EPB41L3: variants seen among roughly 807,000 people sequenced by gnomAD.
The protein encoded by EPB41L3 is erythrocyte membrane protein band 4.1 like 3.
A neutral mutation model predicts 127.1 loss-of-function variants in EPB41L3; 57 were observed. The ratio of observed to expected loss-of-function variants is 0.45; its 90% CI spans 0.36 to 0.56. EPB41L3 has a LOEUF of 0.56. EPB41L3 is among the 20% of genes least tolerant of loss of function. The probability of loss-of-function intolerance (pLI) is 0.00; values close to 1 mark genes in which losing one functional copy is unlikely to be tolerated. For synonymous variants in EPB41L3, 572 were observed against 549.5 expected (o/e 1.04, Z -0.57); for missense variants, 1,273 against 1,372.2 (o/e 0.93, Z 1.14).
intron 1 of EPB41L3, among the ~76,000 whole-genome samples, chr18:5,622,558 C>G (rs1379105955): frequency 1.3e-5 from 2 of 152,164 alleles, no homozygotes; most frequent in African/African-American, 4.8e-5. Flanking sequence ...GTTTATTCTG[C>G]TCTTTAGGGT....
chr18:5,487,691 T>C (rs903816004), intron 2 of EPB41L3, among the ~76,000 whole-genome samples: 5 of 151,462 alleles, frequency 3.3e-5, no homozygotes, highest in African/African-American at 1.2e-4. Context: ...CTCAAACTCC[T>C]GACCTCAGGT....
At chr18:5,553,184 A>G (rs2093988626) in intron 3 of EPB41L3, among the ~76,000 whole-genome samples, 1 of 152,234 alleles carries the variant, frequency 6.6e-6, no homozygotes, top group East Asian at 1.9e-4. Flanking sequence ...AAAAGACTGT[A>G]AGGCAACCGC....
At chr18:5,561,046 C>A (rs963553123) in intron 3 of EPB41L3, among the ~76,000 whole-genome samples, 1 of 144,810 alleles carries the variant, frequency 6.9e-6, no homozygotes. Flanking sequence ...GGCGCGATCG[C>A]GGCTCACTGC....
Position 5,433,450 on chromosome 18 carries a change from G to A in EPB41L3, c.912+19C>T. On this transcript the variant is annotated intron_variant, in intron 8 of 22. Transcript: ENST00000341928. Reference sequence around the variant, plus strand: ...ACATAATATTAAATTGAAAGTTTAGGGTTTAAAAAGATGCATACCTTAGCA... The same window carrying A: ...ACATAATATTAAATTGAAAGTTTAGAGTTTAAAAAGATGCATACCTTAGCA... 6.4e-7 allele frequency: 1 copy of A among 1,561,598 alleles called. No individual in the cohort carries two copies. Among genetic ancestry groups the A allele is most frequent in the Non-Finnish European group, 8.8e-7 (1 of 1,135,684 alleles).
At chr18:5,566,229 C>T in intron 3 of EPB41L3, among the ~76,000 whole-genome samples, 1 of 152,044 alleles carries the variant, frequency 6.6e-6, no homozygotes, top group South Asian at 2.1e-4. Context: ...TCATCTCAGC[C>T]CAAAATCTCC....
intron 3 of EPB41L3, among the ~76,000 whole-genome samples, chr18:5,591,549 G>C (rs1227933889): frequency 6.6e-6 from 1 of 152,152 alleles, no homozygotes; most frequent in African/African-American, 2.4e-5. Flanking sequence ...GCAGGTGTTA[G>C]GATTTCAACA....
chr18:5,518,068 T>A (rs564821660), intron 1 of EPB41L3, among the ~76,000 whole-genome samples: 5 of 152,240 alleles, frequency 3.3e-5, no homozygotes, highest in Admixed American at 3.3e-4. Flanking sequence ...CCTCTCTCCA[T>A]CCCCACAAGG....
At chr18:5,461,513 A>G (rs1346836800) in intron 3 of EPB41L3, among the ~76,000 whole-genome samples, 1 of 152,242 alleles carries the variant, frequency 6.6e-6, no homozygotes, top group African/African-American at 2.4e-5. Flanking sequence ...ACATTCTTAT[A>G]CAACAAAGAT....
intron 3 of EPB41L3, among the ~76,000 whole-genome samples, chr18:5,461,925 G>T (rs1167371680): frequency 1.3e-5 from 2 of 152,134 alleles, no homozygotes; most frequent in Admixed American, 6.5e-5. Flanking sequence ...GAGAAAAAAA[G>T]AATCCTTTGC....
chr18:5,515,761 T>C (rs1409976918), intron 1 of EPB41L3, among the ~76,000 whole-genome samples: 1 of 152,188 alleles, frequency 6.6e-6, no homozygotes, highest in Non-Finnish European at 1.5e-5. Flanking sequence ...AGTAACTCTT[T>C]AAAACAAAAT....
chr18:5,615,583 C>G (rs1388957854), intron 1 of EPB41L3, among the ~76,000 whole-genome samples: 2 of 152,128 alleles, frequency 1.3e-5, no homozygotes, highest in Non-Finnish European at 2.9e-5. Context: ...GTTTTTATCT[C>G]TTAACATTAG....
chr18:5,587,994 C>T (rs979057483), intron 3 of EPB41L3, among the ~76,000 whole-genome samples: 18 of 152,150 alleles, frequency 1.2e-4, no homozygotes, highest in South Asian at 2.1e-4. Flanking sequence ...CGCAAAAGAA[C>T]GCTAACATGG....
At chr18:5,555,773 TC>T (rs1446119253) in intron 3 of EPB41L3, among the ~76,000 whole-genome samples, 1 of 152,200 alleles carries the variant, frequency 6.6e-6, no homozygotes, top group Non-Finnish European at 1.5e-5. Context: ...GGTGATGCTC[TC>T]ACCCCTGCCT....
intron 1 of EPB41L3, among the ~76,000 whole-genome samples, chr18:5,619,994 A>G (rs1439859177): frequency 6.6e-6 from 1 of 152,204 alleles, no homozygotes; most frequent in Admixed American, 6.5e-5. Context: ...TAACAATATT[A>G]TTATTAAAGA....
chr18:5,506,481 T>C (rs2092212068), intron 1 of EPB41L3, among the ~76,000 whole-genome samples: 1 of 152,172 alleles, frequency 6.6e-6, no homozygotes, highest in African/African-American at 2.4e-5. Flanking sequence ...TTTGCTCAGA[T>C]TCTCCTTCTC....
At chr18:5,476,206 G>C (rs1281771838) in intron 3 of EPB41L3, among the ~76,000 whole-genome samples, 4 of 151,900 alleles carry the variant, frequency 2.6e-5, no homozygotes, top group African/African-American at 2.4e-5. Context: ...TGTCAGCCGT[G>C]AACATGTATT....
chr18:5,500,276 T>C (rs1403741543), intron 1 of EPB41L3, among the ~76,000 whole-genome samples: 1 of 152,202 alleles, frequency 6.6e-6, no homozygotes, highest in African/African-American at 2.4e-5. Context: ...AAGAACTTAT[T>C]AGCAAAAAGA....
intron 1 of EPB41L3, among the ~76,000 whole-genome samples, chr18:5,521,695 A>G (rs931463921): frequency 6.6e-6 from 1 of 152,152 alleles, no homozygotes; most frequent in African/African-American, 2.4e-5. Context: ...TGAGGAGACA[A>G]TATCTACCTA....
intron 3 of EPB41L3, among the ~76,000 whole-genome samples, chr18:5,585,611 T>C (rs1478763940): frequency 1.3e-5 from 2 of 152,206 alleles, no homozygotes; most frequent in Non-Finnish European, 2.9e-5. Context: ...AACCAAGCGA[T>C]TTCCTCAAAG....
Sources: allele counts gnomAD v4.1 joint callset (sites outside exome capture counted in the v4.1 genomes callset), GRCh38; gene constraint gnomAD v4.1.1; transcripts MANE v1.5; gene names NCBI Gene and HGNC (gene_info 2026-07-23, HGNC 2026-07-21).